LOC400499: variants seen among roughly 807,000 people sequenced by gnomAD.
the LOC400499 span, chr16:11,372,668 C>G: frequency 5.8e-5 from 48 of 825,520 alleles, no homozygotes; most frequent in Middle Eastern, 1.2e-3. Flanking sequence ...TGTCAGGGAG[C>G]TGGAATTGCA....
chr16:11,473,155 C>T, the LOC400499 span: 2 of 141,470 alleles, frequency 1.4e-5, no homozygotes, highest in Non-Finnish European at 3.1e-5. Flanking sequence ...TAAAAATGTA[C>T]TTGTTGCAGG....
chr16:11,526,593 T>C, the LOC400499 span, among the ~76,000 whole-genome samples: 1 of 152,252 alleles, frequency 6.6e-6, no homozygotes, highest in African/African-American at 2.4e-5. Flanking sequence ...TCATTAATAC[T>C]TCCTATTGAT....
chr16:11,387,107 TCA>T, the LOC400499 span: 2 of 1,232,328 alleles, frequency 1.6e-6, no homozygotes, highest in Non-Finnish European at 1.0e-6. Context: ...GGGGCAGGAC[TCA>T]CATTCCCAGG....
chr16:11,505,015 G>A, the LOC400499 span, among the ~76,000 whole-genome samples: 2 of 152,148 alleles, frequency 1.3e-5, no homozygotes, highest in African/African-American at 2.4e-5. Context: ...TGACAGAGAA[G>A]GAAAGTGACA....
chr16:11,395,402 A>C, the LOC400499 span, among the ~76,000 whole-genome samples: 15 of 152,314 alleles, frequency 9.8e-5, no homozygotes, highest in African/African-American at 3.1e-4. Context: ...AGCATCCGCC[A>C]TGGGTTCACT....
the LOC400499 span, among the ~76,000 whole-genome samples, chr16:11,401,864 C>G: frequency 2.0e-5 from 3 of 152,190 alleles, 1 homozygote; most frequent in East Asian, 5.8e-4. Flanking sequence ...TGTGGGGACC[C>G]AGGTCTCCTG....
At chr16:11,387,566 T>C in the LOC400499 span, among the ~76,000 whole-genome samples, 1 of 152,154 alleles carries the variant, frequency 6.6e-6, no homozygotes, top group Admixed American at 6.5e-5. Flanking sequence ...ATGCCTACTC[T>C]GCTCCCCGGG....
At chr16:11,475,718 G>T in the LOC400499 span, 1 of 399,010 alleles carries the variant, frequency 2.5e-6, no homozygotes, top group South Asian at 1.3e-4. Flanking sequence ...GCTGAGAGCT[G>T]GGTGGGGAAA....
the LOC400499 span, among the ~76,000 whole-genome samples, chr16:11,374,318 AT>A: frequency 6.6e-6 from 1 of 152,210 alleles, no homozygotes; most frequent in Non-Finnish European, 1.5e-5. Context: ...CTCAATATAC[AT>A]TTCTAGTGTA....
At chr16:11,436,737 G>A in the LOC400499 span, among the ~76,000 whole-genome samples, 3 of 151,920 alleles carry the variant, frequency 2.0e-5, no homozygotes, top group African/African-American at 4.8e-5. Flanking sequence ...ACAAGTGCCC[G>A]CCACCATGCC....
the LOC400499 span, among the ~76,000 whole-genome samples, chr16:11,424,639 CGAGGA>C: frequency 6.6e-5 from 10 of 152,198 alleles, no homozygotes; most frequent in African/African-American, 2.4e-4. Context: ...TCCAGCTCCC[CGAGGA>C]AAGGACACAA....
the LOC400499 span, chr16:11,460,396 G>A: frequency 7.2e-7 from 1 of 1,386,552 alleles, no homozygotes; most frequent in East Asian, 2.6e-5. Context: ...ATCTCTTTGG[G>A]GATGAGTTCA....
the LOC400499 span, chr16:11,514,383 T>A: frequency 1.8e-5 from 7 of 399,062 alleles, no homozygotes; most frequent in African/African-American, 1.4e-4. Context: ...TCTTGGGGCA[T>A]CTCGTGCAGC....
chr16:11,390,052 C>T, the LOC400499 span: 2 of 1,148,406 alleles, frequency 1.7e-6, no homozygotes, highest in African/African-American at 3.2e-5. Flanking sequence ...TTCAGCACTG[C>T]ACCTGGTATG....
chr16:11,390,819 A>AGCAGCACCTGCCAGTGTG, the LOC400499 span, among the ~76,000 whole-genome samples: 1 of 152,156 alleles, frequency 6.6e-6, no homozygotes, highest in Non-Finnish European at 1.5e-5. Context: ...GTCCGTGCCA[A>AGCAGCACCTGCCAGTGTG]GCAGCACCTG....
the LOC400499 span, among the ~76,000 whole-genome samples, chr16:11,388,140 G>A: frequency 6.6e-6 from 1 of 152,092 alleles, no homozygotes; most frequent in Non-Finnish European, 1.5e-5. Context: ...GAACCCAGAG[G>A]CCCTGCAGCT....
chr16:11,472,631 C>G, the LOC400499 span: 5 of 152,200 alleles, frequency 3.3e-5, no homozygotes, highest in Admixed American at 1.3e-4. Flanking sequence ...CTCTCTGGGT[C>G]TCAATGTTTC....
chr16:11,432,415 G>C, the LOC400499 span, among the ~76,000 whole-genome samples: 1 of 152,234 alleles, frequency 6.6e-6, no homozygotes, highest in Non-Finnish European at 1.5e-5. Context: ...CAAAAGCCCT[G>C]TGAGTTTTGA....
At chr16:11,387,805 G>A in the LOC400499 span, among the ~76,000 whole-genome samples, 15 of 152,174 alleles carry the variant, frequency 9.9e-5, no homozygotes, top group South Asian at 3.1e-3. Flanking sequence ...TGTATTTTTA[G>A]TAGAGTTGGA....
Sources: gnomAD v4.1 joint callset for allele counts (sites outside exome capture counted in the v4.1 genomes callset) on GRCh38, gnomAD v4.1.1 for gene constraint, MANE v1.5 for transcripts.